Variants in CELF2 observed in about 807,000 individuals in gnomAD.
The protein encoded by CELF2 is CUG triplet repeat RNA-binding protein 2.
A neutral mutation model predicts 62.6 loss-of-function variants in CELF2; 8 were observed. The observed-to-expected ratio is 0.13, with a 90% CI of 0.07 to 0.23. The LOEUF is 0.23. Among genes scored for constraint, CELF2 ranks in the 10% least tolerant of loss-of-function variants. The pLI, the probability that CELF2 is intolerant of heterozygous loss-of-function variation, is 1.00. For synonymous variants in CELF2, 258 were observed against 250.0 expected (o/e 1.03, Z -0.30); for missense variants, 333 against 671.0 (o/e 0.50, Z 5.56).
At chr10:11,130,613 C>A (rs1395349495) in intron 1 of CELF2, among the ~76,000 whole-genome samples, 3 of 151,794 alleles carry the variant, frequency 2.0e-5, no homozygotes, top group African/African-American at 7.3e-5. Flanking sequence ...CATTTCTAAC[C>A]AGATGACACA....
chr10:10,774,758 T>G, the CELF2 span, among the ~76,000 whole-genome samples: 1 of 152,060 alleles, frequency 6.6e-6, no homozygotes, highest in Non-Finnish European at 1.5e-5. Context: ...CTAATACAAA[T>G]AGGATGGTGT....
chr10:11,171,729 G>A (rs1388522492), intron 2 of CELF2, among the ~76,000 whole-genome samples: 1 of 152,198 alleles, frequency 6.6e-6, no homozygotes, highest in African/African-American at 2.4e-5. Flanking sequence ...CTTTATCCAT[G>A]CAGTAGAAAT....
At chr10:11,078,485 C>T (rs1044060793) in intron 1 of CELF2, among the ~76,000 whole-genome samples, 13 of 152,180 alleles carry the variant, frequency 8.5e-5, no homozygotes, top group Admixed American at 2.6e-4. Context: ...TCCTTGGCCT[C>T]ATTTTAATGC....
intron 1 of CELF2, among the ~76,000 whole-genome samples, chr10:11,128,027 G>A (rs2059010605): frequency 6.6e-6 from 1 of 152,196 alleles, no homozygotes; most frequent in Admixed American, 6.5e-5. Context: ...TTACATTTAA[G>A]TCTTTAATCC....
intron 2 of CELF2, among the ~76,000 whole-genome samples, chr10:10,998,083 A>G (rs771504321): frequency 6.6e-6 from 1 of 152,128 alleles, no homozygotes; most frequent in Non-Finnish European, 1.5e-5. Flanking sequence ...CTTTGCTCCT[A>G]TTCACCTTCC....
the CELF2 span, among the ~76,000 whole-genome samples, chr10:10,640,174 G>A: frequency 6.6e-6 from 1 of 152,162 alleles, no homozygotes; most frequent in Non-Finnish European, 1.5e-5. Flanking sequence ...TCTCACCAGT[G>A]ATATATTAAA....
chr10:10,509,302 C>T, the CELF2 span, among the ~76,000 whole-genome samples: 1 of 152,028 alleles, frequency 6.6e-6, no homozygotes, highest in Non-Finnish European at 1.5e-5. Flanking sequence ...TTTTGTGTTT[C>T]CCCACAATAT....
chr10:10,481,824 C>T, the CELF2 span, among the ~76,000 whole-genome samples: 1 of 152,088 alleles, frequency 6.6e-6, no homozygotes, highest in East Asian at 1.9e-4. Flanking sequence ...GCTTCATTTT[C>T]CCTCTAATAA....
At chr10:11,062,849 G>T (rs1018142170) in intron 1 of CELF2, among the ~76,000 whole-genome samples, 1 of 152,086 alleles carries the variant, frequency 6.6e-6, no homozygotes, top group Admixed American at 6.6e-5. Flanking sequence ...AAACAGCATG[G>T]GATGCTTCAG....
At chr10:10,650,009 TG>T in the CELF2 span, among the ~76,000 whole-genome samples, 1 of 152,164 alleles carries the variant, frequency 6.6e-6, no homozygotes, top group Non-Finnish European at 1.5e-5. Context: ...TCATTCTGTG[TG>T]GATGGACTAG....
At chr10:10,818,500 A>G (rs181710239) in intron 1 of CELF2, among the ~76,000 whole-genome samples, 87 of 152,268 alleles carry the variant, frequency 5.7e-4, no homozygotes, top group Admixed American at 1.3e-3. Context: ...CTGGGGGCCA[A>G]AGCTCTCAGC....
chr10:10,776,588 G>A, the CELF2 span: 1 of 160,708 alleles, frequency 6.2e-6, no homozygotes, highest in Non-Finnish European at 1.4e-5. Context: ...CAATGCGTGT[G>A]TCAGCCACAG....
At chr10:10,549,699 G>A in the CELF2 span, among the ~76,000 whole-genome samples, 1 of 152,098 alleles carries the variant, frequency 6.6e-6, no homozygotes, top group Non-Finnish European at 1.5e-5. Flanking sequence ...TCTTAAGATG[G>A]CACCAGTCAT....
At chr10:10,479,308 A>G in the CELF2 span, among the ~76,000 whole-genome samples, 24 of 152,080 alleles carry the variant, frequency 1.6e-4, no homozygotes, top group Admixed American at 2.6e-4. Flanking sequence ...AACTGGGACT[A>G]CAGCCATACA....
At chr10:10,898,203 C>T (rs2062697148) in intron 1 of CELF2, among the ~76,000 whole-genome samples, 2 of 152,188 alleles carry the variant, frequency 1.3e-5, no homozygotes, top group African/African-American at 4.8e-5. Context: ...TATCACAGGT[C>T]CACAGACGGA....
the CELF2 span, among the ~76,000 whole-genome samples, chr10:10,785,070 G>T: frequency 6.6e-6 from 1 of 152,192 alleles, no homozygotes; most frequent in South Asian, 2.1e-4. Flanking sequence ...CATTATGAAA[G>T]ATTACTGTCA....
the CELF2 span, among the ~76,000 whole-genome samples, chr10:10,679,583 C>G: frequency 6.6e-6 from 1 of 152,274 alleles, no homozygotes; most frequent in East Asian, 1.9e-4. Context: ...AGCCACCATG[C>G]CTGGCCCTAT....
the CELF2 span, among the ~76,000 whole-genome samples, chr10:10,677,939 T>C: frequency 9.8e-5 from 15 of 152,334 alleles, no homozygotes; most frequent in African/African-American, 3.1e-4. Flanking sequence ...AGGAATTGAC[T>C]TGTGACAGTC....
At chr10:11,045,108 A>C (rs2062580200) in intron 1 of CELF2, among the ~76,000 whole-genome samples, 1 of 152,180 alleles carries the variant, frequency 6.6e-6, no homozygotes, top group African/African-American at 2.4e-5. Flanking sequence ...TGTGACTGAG[A>C]ACTTGTGTTC....
Sources: gnomAD v4.1 joint callset for allele counts (sites outside exome capture counted in the v4.1 genomes callset) on GRCh38, gnomAD v4.1.1 for gene constraint, MANE v1.5 for transcripts, NCBI Gene and HGNC (gene_info 2026-07-23, HGNC 2026-07-21) for gene names.